RGSL1: variants seen among roughly 807,000 people sequenced by gnomAD.
The protein encoded by RGSL1 is regulator of G protein signaling like 1, also known as regulator of G protein signaling protein-like.
A neutral mutation model predicts 124.7 loss-of-function variants in RGSL1; 97 were observed. The ratio of observed to expected loss-of-function variants is 0.78; its 90% CI spans 0.66 to 0.92. The LOEUF is 0.92. Ranked by LOEUF, RGSL1 falls within the 40% of genes least tolerant of loss-of-function variation. RGSL1 has a pLI of 0.00. For synonymous variants in RGSL1, 424 were observed against 438.1 expected (o/e 0.97, Z 0.40); for missense variants, 1,233 against 1,288.4 (o/e 0.96, Z 0.66).
At chr1:182,500,532 T>G (rs568936659) in intron 9 of RGSL1, among the ~76,000 whole-genome samples, 38 of 149,116 alleles carry the variant, frequency 2.5e-4, no homozygotes, top group Non-Finnish European at 4.4e-4. Context: ...AACTTTTCCA[T>G]TTTTTCAAAA....
chr1:182,545,708 T>C (rs1660167273), intron 15 of RGSL1, among the ~76,000 whole-genome samples: 1 of 152,158 alleles, frequency 6.6e-6, no homozygotes. Flanking sequence ...TTGTTTTGTT[T>C]TGGTTTGGTT....
intron 4 of RGSL1, chr1:182,460,511 T>C (rs1047920124): frequency 4.2e-5 from 16 of 379,030 alleles, no homozygotes; most frequent in Admixed American, 1.7e-4. Context: ...ACCAACAGAT[T>C]TCACCACCTT....
At chr1:182,523,406 T>G (rs998059473) in intron 10 of RGSL1, among the ~76,000 whole-genome samples, 54 of 152,158 alleles carry the variant, frequency 3.5e-4, no homozygotes, top group African/African-American at 1.3e-3. Context: ...CCACTCTAGA[T>G]AGATCTTCCT....
In RGSL1 at chr1:182,530,872, C is replaced by G; in HGVS notation, c.2326C>G (p.Pro776Ala). The change falls in exon 13 of 22, where the codon CCC (proline) becomes GCC (alanine). Residue 776 changes from proline (P) to alanine (A), a missense_variant. By Grantham distance (27) the Pro-to-Ala change is conservative (BLOSUM62 -1). Transcript: ENST00000294854. ...QSEVQISSRK[P>A]SKIVSTYLQE... is the part of the protein sequence containing the mutation. Reference sequence around the variant, plus strand: ...TGAAGTACAAATTTCGTCTAGGAAGCCCTCAAAGATAGTGTCAACTTACCT... The same window carrying G: ...TGAAGTACAAATTTCGTCTAGGAAGGCCTCAAAGATAGTGTCAACTTACCT... 6.5e-7 allele frequency: 1 copy of G among 1,549,974 alleles called. No individual in the cohort carries two copies.
In RGSL1 at chr1:182,509,575, T is replaced by C. The variant is rs1207896300; in HGVS notation, c.1826-12429T>C. ...CCATCTCCCTCCCGGACGGGGTGGC[T>C]GGCCAGGCTGAGGGGCTCCTCACTT... On this transcript the variant is annotated intron_variant, in intron 9 of 21. Coordinates refer to ENST00000294854, the MANE Select transcript of RGSL1 (RefSeq NM_001137669.2). Among the ~76,000 whole-genome samples, 57 of 124,868 alleles carry C rather than the reference T, an allele frequency of 4.6e-4. 1 individual carries two copies. Among genetic ancestry groups the C allele is most frequent in the African/African-American group, 1.3e-3 (40 of 30,538 alleles). The allele number at this position is 124,868 out of a possible 152,430, so 81.9% of individuals were successfully genotyped here.
chr1:182,521,325 C>T (rs1053290832), intron 9 of RGSL1, among the ~76,000 whole-genome samples: 5 of 152,208 alleles, frequency 3.3e-5, no homozygotes, highest in Non-Finnish European at 7.3e-5. Context: ...CCCACTTTGG[C>T]TTCCCAAAAT....
intron 1 of RGSL1, among the ~76,000 whole-genome samples, chr1:182,452,668 G>A (rs560510649): frequency 5.3e-5 from 8 of 152,070 alleles, no homozygotes; most frequent in South Asian, 4.2e-4. Flanking sequence ...GGTCAGCCTG[G>A]TCTTGAGCTC....
In RGSL1 at chr1:182,554,970, A is replaced by G. The variant is rs376671697; in HGVS notation, c.3197+277A>G. On this transcript the variant is annotated intron_variant, in intron 20 of 21. Transcript: ENST00000294854. ...CAATACTGCTGTGGAAGTGTCCCAG[A>G]TGATCTTTGATTTTTATTTTTCATT... The G allele has an allele frequency of 9.5e-6, 4 of 420,800 alleles. No individual in the cohort carries two copies. In the Admixed American group the frequency reaches 1.5e-4, roughly 16 times the overall value. 26.1% of individuals were successfully genotyped at this position (420,800 alleles called of 1,614,324 possible).
intron 4 of RGSL1, among the ~76,000 whole-genome samples, chr1:182,465,785 G>T (rs1481436759): frequency 2.0e-5 from 3 of 151,992 alleles, no homozygotes; most frequent in Non-Finnish European, 4.4e-5. Flanking sequence ...AAAGATTGAA[G>T]AGGCAGGATC....
intron 9 of RGSL1, among the ~76,000 whole-genome samples, chr1:182,507,899 T>C (rs1656944207): frequency 6.6e-6 from 1 of 151,968 alleles, no homozygotes; most frequent in African/African-American, 2.4e-5. Context: ...GACGGGGTTT[T>C]GGCATGTTGC....
At chr1:182,560,252 A>T (rs1404431252) in intron 21 of RGSL1, 27 bp from the exon 22 acceptor site, 1 of 152,196 alleles carries the variant, frequency 6.6e-6, no homozygotes, top group Non-Finnish European at 1.5e-5. Context: ...ATAAATCTTG[A>T]TGCTTTAAGA....
At chr1:182,542,310 T>C (rs1353345353) in intron 15 of RGSL1, among the ~76,000 whole-genome samples, 1 of 152,220 alleles carries the variant, frequency 6.6e-6, no homozygotes, top group Admixed American at 6.5e-5. Context: ...CACCATTTAT[T>C]GAAGAGACGG....
At chr1:182,485,115 C>T (rs942960877) in intron 6 of RGSL1, among the ~76,000 whole-genome samples, 1 of 152,028 alleles carries the variant, frequency 6.6e-6, no homozygotes, top group Admixed American at 6.6e-5. Context: ...TGCAGGGGAC[C>T]CCAGTGGTGA....
chr1:182,483,262 GA>G (rs969003314), intron 6 of RGSL1, among the ~76,000 whole-genome samples: 28 of 146,742 alleles, frequency 1.9e-4, no homozygotes, highest in East Asian at 1.4e-3. Flanking sequence ...TACCACAAAA[GA>G]AAAAAAAAAG....
At chr1:182,506,588 C>T (rs1302921651) in intron 9 of RGSL1, among the ~76,000 whole-genome samples, 1 of 152,056 alleles carries the variant, frequency 6.6e-6, no homozygotes, top group African/African-American at 2.4e-5. Flanking sequence ...TCCCTTTGTT[C>T]TCATATTTAA....
Position 182,489,187 on chromosome 1 carries a change from C to T in RGSL1, c.1702C>T (p.Pro568Ser). ...GGSLQVELTSPVFLTDITKMS... is the reference protein window; with the variant it reads ...GGSLQVELTSSVFLTDITKMS... ...CTCTCTCCAGGTAGAGCTGACATCT[C>T]CAGTGTTTCTAACAGGTCAGAGCAG... Residue 568 changes from proline to serine, a missense_variant, in exon 8 of 22, where the codon CCA (proline) becomes TCA (serine). Pro to Ser is a moderately conservative substitution (Grantham distance 74, BLOSUM62 -1). Coordinates refer to ENST00000294854, the MANE Select transcript of RGSL1 (RefSeq NM_001137669.2). 2 of 1,551,664 alleles carry T rather than the reference C, an allele frequency of 1.3e-6. No individual in the cohort carries two copies. Among genetic ancestry groups the T allele is most frequent in the Non-Finnish European group, 1.7e-6 (2 of 1,146,976 alleles).
intron 9 of RGSL1, among the ~76,000 whole-genome samples, chr1:182,516,683 AATCT>A (rs1316172548): frequency 4.3e-5 from 6 of 140,306 alleles, no homozygotes; most frequent in Admixed American, 3.0e-4. Context: ...TAAAGAAGTT[AATCT>A]ATCTTAGATC....
At chr1:182,523,831 A>T (rs1658535354) in intron 10 of RGSL1, among the ~76,000 whole-genome samples, 1 of 152,242 alleles carries the variant, frequency 6.6e-6, no homozygotes, top group Non-Finnish European at 1.5e-5. Flanking sequence ...TGCAAGGCTG[A>T]CCTTAAAATG....
Position 182,514,562 on chromosome 1 carries a change from G to A in RGSL1, c.1826-7442G>A, listed in dbSNP as rs562013501. Among the ~76,000 whole-genome samples the A allele has an allele frequency of 7.2e-5, 11 of 152,160 alleles. No homozygotes were observed. The East Asian group carries it at 9.7e-4, about 13-fold the overall frequency. ...TCTGGAAAACCTCTATATATCTGTC[G>A]GGGTTATCTGGAAACCTGCTAAGAT... is the stretch of plus-strand genomic sequence containing the variant. On this transcript the variant is annotated intron_variant, in intron 9 of 21. Coordinates refer to ENST00000294854, the MANE Select transcript of RGSL1 (RefSeq NM_001137669.2).
Sources: gnomAD v4.1 joint callset for allele counts (sites outside exome capture counted in the v4.1 genomes callset) on GRCh38, gnomAD v4.1.1 for gene constraint, MANE v1.5 for transcripts, NCBI Gene and HGNC (gene_info 2026-07-23, HGNC 2026-07-21) for gene names.